Variants in CDK9 observed in about 807,000 individuals in gnomAD.
CDK9 encodes the protein cyclin dependent kinase 9.
A neutral mutation model predicts 39.0 loss-of-function variants in CDK9; 34 were observed. The observed-to-expected ratio is 0.87, with a 90% CI of 0.66 to 1.16. The LOEUF (loss-of-function observed/expected upper bound fraction) is 1.16. Ranked by LOEUF, CDK9 falls within the 50% of genes most tolerant of loss-of-function variation. The pLI, the probability that CDK9 is intolerant of heterozygous loss-of-function variation, is 0.00. For missense variants in CDK9, 369 were observed against 503.2 expected, an observed-to-expected ratio of 0.73 and a Z score of 2.55; for synonymous variants, 233 against 196.2, an observed-to-expected ratio of 1.19 and a Z score of -1.57.
chr9:127,789,552 G>C lies in CDK9; in HGVS notation c.*9G>C. 1 of 1,611,600 alleles carries C rather than the reference G, an allele frequency of 6.2e-7. No individual in the cohort carries two copies. On this transcript the variant is annotated 3_prime_UTR_variant, in exon 7 of 7. Coordinates refer to ENST00000373264, the MANE Select transcript of CDK9 (RefSeq NM_001261.4). This position sits in a 1 kb window ranked among gnomAD's most constrained non-coding sequence, Gnocchi z 5.2. ...TTGAGCGCGTCTTCTGAGGGCCGGC[G>C]CTTGCCACTAGGGCTCTTGTGTTTT...
rs775888687 is a variant in CDK9, at chr9:127,786,118, T to G, written c.-31T>G. On this transcript the variant is annotated 5_prime_UTR_variant, in exon 1 of 7. Coordinates refer to ENST00000373264, the MANE Select transcript of CDK9 (RefSeq NM_001261.4). ...GAGCAGGAGCGGCGGCAGCAGCGAC[T>G]GGGGGCGGCGGCGGCGCGTTGGAGG... 2.9e-4 allele frequency: 454 copies of G among 1,546,096 alleles called. 2 individuals carry two copies. In the Middle Eastern group the frequency reaches 3.4e-3, roughly 12 times the overall value.
intron 5 of CDK9, 70 bp from the exon 6 acceptor site, chr9:127,788,474 G>A (rs1388552974): frequency 1.3e-5 from 20 of 1,530,662 alleles, no homozygotes; most frequent in Admixed American, 1.1e-4. Context: ...TTGAGCTGCC[G>A]GCCCTGGGGC....
Position 127,789,422 on chromosome 9 carries a change from C to T in CDK9, c.998C>T (p.Thr333Met), listed in dbSNP as rs1489949745. The change falls in exon 7 of 7, where the codon ACG becomes ATG. Residue 333 changes from threonine (T) to methionine (M), a missense_variant. Coordinates refer to ENST00000373264, the MANE Select transcript of CDK9 (RefSeq NM_001261.4). This position sits in a 1 kb window ranked among gnomAD's most constrained non-coding sequence, Gnocchi z 5.2. ...AAGGGCATGCTCTCCACCCACCTGA[C>T]GTCCATGTTCGAGTACTTGGCACCA... Reference protein sequence around the residue: ...DLKGMLSTHLTSMFEYLAPPR... With the variant: ...DLKGMLSTHLMSMFEYLAPPR... 7 of 1,614,096 alleles carry T rather than the reference C, an allele frequency of 4.3e-6. No individual in the cohort carries two copies. The highest frequency in any genetic ancestry group is 1.1e-5 in the South Asian group (1 of 91,078).
rs1293514453 is a variant in CDK9 at position 127,787,524 on chromosome 9, A to G, written c.181A>G (p.Ile61Val). The G allele has an allele frequency of 6.2e-7, 1 of 1,611,774 alleles. No homozygotes were observed. The highest frequency in any genetic ancestry group is 8.5e-7 in the Non-Finnish European group (1 of 1,177,988). Residue 61 changes from isoleucine (I) to valine (V), a missense_variant, in exon 3 of 7, where the codon ATT becomes GTT. Coordinates refer to ENST00000373264, the MANE Select transcript of CDK9 (RefSeq NM_001261.4). ...TCCCCTCTTTCTCACCCAGTTCCCC[A>G]TTACAGCCTTGCGGGAGATCAAGAT... is the stretch of plus-strand genomic sequence containing the variant. ...LMENEKEGFP[I>V]TALREIKILQ...
At position 127,790,649 on chromosome 9, in the gene CDK9, A is replaced by G. The variant is rs1028751630; in HGVS notation, c.*1106A>G. On this transcript the variant is annotated 3_prime_UTR_variant, in exon 7 of 7. Coordinates refer to ENST00000373264, the MANE Select transcript of CDK9 (RefSeq NM_001261.4). ...TTAGGAAGAGACATTCTGGAGGTCA[A>G]TTTCCTACATCCTCTTACAGGCGGA... 4.6e-5 allele frequency: 7 copies of G among 152,140 alleles called. No individual in the cohort carries two copies. The highest frequency in any genetic ancestry group is 1.2e-4 in the African/African-American group (5 of 41,410). The allele number at this position is 152,140 out of a possible 1,614,324, so 9.4% of individuals were successfully genotyped here.
In CDK9 at chr9:127,790,146, C is replaced by G. The variant is rs1829403187; in HGVS notation, c.*603C>G. The G allele has an allele frequency of 6.6e-6, 1 of 151,678 alleles. No individual in the cohort carries two copies. The highest frequency in any genetic ancestry group is 1.5e-5 in the Non-Finnish European group (1 of 68,014). 9.4% of individuals were successfully genotyped at this position (151,678 alleles called of 1,614,324 possible). On this transcript the variant is annotated 3_prime_UTR_variant, in exon 7 of 7. Coordinates refer to ENST00000373264, the MANE Select transcript of CDK9 (RefSeq NM_001261.4). Reference sequence around the variant, plus strand: ...TTCTGCGCACACACCGCCAACTGTTCCCCCACAGTCAGCAGCAGGTTGGGC... The same window carrying G: ...TTCTGCGCACACACCGCCAACTGTTGCCCCACAGTCAGCAGCAGGTTGGGC...
chr9:127,789,484 A>T lies in CDK9; in HGVS notation c.1060A>T (p.Thr354Ser), dbSNP rs200376810. Residue 354 changes from threonine to serine, a missense_variant, in exon 7 of 7, where the codon ACC (threonine) becomes TCC (serine). By Grantham distance (58) the Thr-to-Ser change is moderately conservative. Transcript: ENST00000373264. The surrounding 1 kb of genome is among the most constrained non-coding windows in gnomAD (Gnocchi z 5.2). ...RKGSQITQQS[T>S]NQSRNPATTN... ...GGGCAGCCAGATCACCCAGCAGTCC[A>T]CCAACCAGAGTCGCAATCCCGCCAC... 1 of 1,614,108 alleles carries T rather than the reference A, an allele frequency of 6.2e-7. No homozygotes were observed. Among genetic ancestry groups the T allele is most frequent in the African/African-American group, 1.3e-5 (1 of 75,026 alleles).
At position 127,790,072 on chromosome 9, in the gene CDK9, TTTTTTTTTTTTTAAA is replaced by T. The variant is rs1564434020; in HGVS notation, c.*541_*555del. 1 of 150,418 alleles carries T rather than the reference TTTTTTTTTTTTTAAA, an allele frequency of 6.6e-6. No individual in the cohort carries two copies. Among genetic ancestry groups the T allele is most frequent in the Non-Finnish European group, 1.5e-5 (1 of 67,906 alleles). The allele number at this position is 150,418 out of a possible 1,614,324, so 9.3% of individuals were successfully genotyped here. Reference sequence around the variant, plus strand: ...GGTCCGTTAGAATTAAAAGTTGAATTTTTTTTTTTTTTAAATTTTTTTTTTTCCTCCAGGACTTGT... The same window carrying T: ...GGTCCGTTAGAATTAAAAGTTGAATTTTTTTTTTTTTCCTCCAGGACTTGT... On this transcript the variant is annotated 3_prime_UTR_variant, in exon 7 of 7. Transcript: ENST00000373264.
chr9:127,788,288 G>A lies in CDK9; in HGVS notation c.507G>A (p.Gly169=), dbSNP rs1171694653. The change falls in exon 5 of 7, where the codon GGG becomes GGA. Residue 169 remains glycine, a synonymous_variant. Coordinates refer to ENST00000373264, the MANE Select transcript of CDK9 (RefSeq NM_001261.4). Reference sequence around the variant, plus strand: ...GGGTCCTGAAGCTGGCAGACTTTGGGCTGGCCCGGGCCTTCAGCCTGGCCA... The same window carrying A: ...GGGTCCTGAAGCTGGCAGACTTTGGACTGGCCCGGGCCTTCAGCCTGGCCA... ...RDGVLKLADF[G]LARAFSLAKN... 2 of 1,613,516 alleles carry A rather than the reference G, an allele frequency of 1.2e-6. No homozygotes were observed. Among genetic ancestry groups the A allele is most frequent in the African/African-American group, 1.3e-5 (1 of 75,068 alleles).
chr9:127,789,161 C>G lies in CDK9; in HGVS notation c.754-17C>G. The G allele has an allele frequency of 6.5e-7, 1 of 1,546,204 alleles. No individual in the cohort carries two copies. Among genetic ancestry groups the G allele is most frequent in the Non-Finnish European group, 8.7e-7 (1 of 1,143,696 alleles). ...CTGACCGGACTCCATATTCTCTCAA[C>G]GCCCCCTCCCTCCCAGGTGTGGCCA... is the stretch of plus-strand genomic sequence containing the variant. On this transcript the variant is annotated splice_polypyrimidine_tract_variant and intron_variant, in intron 6 of 6. Coordinates refer to ENST00000373264, the MANE Select transcript of CDK9 (RefSeq NM_001261.4). The surrounding 1 kb of genome is among the most constrained non-coding windows in gnomAD (Gnocchi z 5.2).
In CDK9 at chr9:127,786,074, G is replaced by T. The variant is rs1477366892; in HGVS notation, c.-75G>T. 6 of 1,040,532 alleles carry T rather than the reference G, an allele frequency of 5.8e-6. No homozygotes were observed. Among genetic ancestry groups the T allele is most frequent in the Non-Finnish European group, 8.2e-6 (6 of 727,324 alleles). The allele number at this position is 1,040,532 out of a possible 1,614,324, so 64.5% of individuals were successfully genotyped here. A position where few individuals can be genotyped will look rare whatever the true frequency, so the allele number is the denominator to read the frequency against. Reference sequence around the variant, plus strand: ...GCGCGGCCGCGGAGGGGCCTGGAGTGCGGCGGCGGCGGGACCCGGAGCAGG... The same window carrying T: ...GCGCGGCCGCGGAGGGGCCTGGAGTTCGGCGGCGGCGGGACCCGGAGCAGG... On this transcript the variant is annotated 5_prime_UTR_variant, in exon 1 of 7. Transcript: ENST00000373264.
In CDK9 at chr9:127,786,084, C is replaced by A; in HGVS notation, c.-65C>A. The A allele has an allele frequency of 7.9e-7, 1 of 1,271,890 alleles. No individual in the cohort carries two copies. The highest frequency in any genetic ancestry group is 1.1e-6 in the Non-Finnish European group (1 of 913,598). The allele number at this position is 1,271,890 out of a possible 1,614,324, so 78.8% of individuals were successfully genotyped here. A position where few individuals can be genotyped will look rare whatever the true frequency, so the allele number is the denominator to read the frequency against. ...GGAGGGGCCTGGAGTGCGGCGGCGG[C>A]GGGACCCGGAGCAGGAGCGGCGGCA... On this transcript the variant is annotated 5_prime_UTR_variant, in exon 1 of 7. Transcript: ENST00000373264.
At position 127,786,166 on chromosome 9, in the gene CDK9, C is replaced by G; in HGVS notation, c.18C>G (p.Asp6Glu). The change falls in exon 1 of 7, where the codon GAC becomes GAG. Residue 6 changes from aspartate to glutamate, a missense_variant. Transcript: ENST00000373264. ...AGGCGGCCATGGCAAAGCAGTACGA[C>G]TCGGTGGAGTGCCCTTTTTGTGATG... is the stretch of plus-strand genomic sequence containing the variant. MAKQY[D>E]SVECPFCDEV... 1.9e-6 allele frequency: 3 copies of G among 1,608,686 alleles called. No homozygotes were observed. The highest frequency in any genetic ancestry group is 2.5e-6 in the Non-Finnish European group (3 of 1,178,092).
Position 127,786,695 on chromosome 9 carries a change from C to G in CDK9, c.93-6C>G. Reference sequence around the variant, plus strand: ...TGAGTTCTCGGGTCTCCCTTTCCGCCTGCAGGGAGGTGTTCAAGGCCAGGC... The same window carrying G: ...TGAGTTCTCGGGTCTCCCTTTCCGCGTGCAGGGAGGTGTTCAAGGCCAGGC... On this transcript the variant is annotated splice_region_variant and splice_polypyrimidine_tract_variant and intron_variant, in intron 1 of 6. Coordinates refer to ENST00000373264, the MANE Select transcript of CDK9 (RefSeq NM_001261.4). 1.9e-6 allele frequency: 3 copies of G among 1,613,186 alleles called. No individual in the cohort carries two copies. Among genetic ancestry groups the G allele is most frequent in the Non-Finnish European group, 2.5e-6 (3 of 1,179,548 alleles).
At position 127,789,287 on chromosome 9, in the gene CDK9, C is replaced by T. The variant is rs1218758923; in HGVS notation, c.863C>T (p.Ala288Val). Residue 288 changes from alanine to valine, a missense_variant, in exon 7 of 7, where the codon GCA becomes GTA. Ala to Val is a moderately conservative substitution (Grantham distance 64). Transcript: ENST00000373264. This position sits in a 1 kb window ranked among gnomAD's most constrained non-coding sequence, Gnocchi z 5.2. ...RLKAYVRDPY[A>V]LDLIDKLLVL... ...AAGGCCTATGTGCGTGACCCATACGCACTGGACCTCATCGACAAGCTGCTG... is the reference window on the plus strand; with the variant it reads ...AAGGCCTATGTGCGTGACCCATACGTACTGGACCTCATCGACAAGCTGCTG... The T allele has an allele frequency of 6.2e-7, 1 of 1,613,864 alleles. No homozygotes were observed. Among genetic ancestry groups the T allele is most frequent in the Non-Finnish European group, 8.5e-7 (1 of 1,180,054 alleles).
intron 6 of CDK9, 104 bp downstream of exon 6, chr9:127,788,796 G>A: frequency 8.1e-7 from 1 of 1,238,448 alleles, no homozygotes; most frequent in Non-Finnish European, 1.1e-6. Flanking sequence ...AGGGAGGCTG[G>A]TTTGGTGACA....
In CDK9 at chr9:127,789,584, T is replaced by C. The variant is rs746216061; in HGVS notation, c.*41T>C. On this transcript the variant is annotated 3_prime_UTR_variant, in exon 7 of 7. Coordinates refer to ENST00000373264, the MANE Select transcript of CDK9 (RefSeq NM_001261.4). The surrounding 1 kb of genome is among the most constrained non-coding windows in gnomAD (Gnocchi z 5.2). ...ACTAGGGCTCTTGTGTTTTTTTTCT[T>C]CTGCTATGTGACTTGCATCGTGGAG... The C allele has an allele frequency of 1.1e-5, 17 of 1,593,396 alleles. No individual in the cohort carries two copies. In the Admixed American group the frequency reaches 2.9e-4, roughly 27 times the overall value.
In CDK9 at chr9:127,789,113, T is replaced by C. The variant is rs758944080; in HGVS notation, c.754-65T>C. ...GTATTTTAGTCCTTTTAGGCCTTTATGAAGGGATAAGCCACGCACCTCCTG... is the reference window on the plus strand; with the variant it reads ...GTATTTTAGTCCTTTTAGGCCTTTACGAAGGGATAAGCCACGCACCTCCTG... On this transcript the variant is annotated intron_variant, in intron 6 of 6. Coordinates refer to ENST00000373264, the MANE Select transcript of CDK9 (RefSeq NM_001261.4). This position sits in a 1 kb window ranked among gnomAD's most constrained non-coding sequence, Gnocchi z 5.2. 1.1e-4 allele frequency: 168 copies of C among 1,506,826 alleles called. No individual in the cohort carries two copies. The highest frequency in any genetic ancestry group is 1.5e-4 in the Non-Finnish European group (166 of 1,129,612). The allele number at this position is 1,506,826 out of a possible 1,614,324, so 93.3% of individuals were successfully genotyped here. A position where few individuals can be genotyped will look rare whatever the true frequency, so the allele number is the denominator to read the frequency against.
chr9:127,786,097 A>G lies in CDK9; in HGVS notation c.-52A>G, dbSNP rs1479602766. ...GTGCGGCGGCGGCGGGACCCGGAGCAGGAGCGGCGGCAGCAGCGACTGGGG... is the reference window on the plus strand; with the variant it reads ...GTGCGGCGGCGGCGGGACCCGGAGCGGGAGCGGCGGCAGCAGCGACTGGGG... On this transcript the variant is annotated 5_prime_UTR_variant, in exon 1 of 7. Transcript: ENST00000373264. 1.4e-6 allele frequency: 2 copies of G among 1,410,778 alleles called. No homozygotes were observed. Among genetic ancestry groups the G allele is most frequent in the Admixed American group, 1.8e-5 (1 of 54,238 alleles). 87.4% of individuals were successfully genotyped at this position (1,410,778 alleles called of 1,614,324 possible).
Sources: gnomAD v4.1 joint callset for allele counts on GRCh38, gnomAD v4.1.1 for gene constraint, Gnocchi (gnomAD v3.1) non-coding constraint, MANE v1.5 for transcripts, NCBI Gene and HGNC (gene_info 2026-07-23, HGNC 2026-07-21) for gene names.